CDK14: variants seen among roughly 807,000 people sequenced by gnomAD.
CDK14 encodes cyclin dependent kinase 14, also known as cyclin-dependent kinase 14.
A neutral mutation model predicts 60.7 loss-of-function variants in CDK14; 34 were observed. The observed-to-expected ratio is 0.56, with a 90% CI of 0.43 to 0.75. The LOEUF (loss-of-function observed/expected upper bound fraction) is 0.75. CDK14 is among the 30% of genes least tolerant of loss of function. The pLI is 0.00. For synonymous variants in CDK14, 197 were observed against 203.7 expected (o/e 0.97, Z 0.28); for missense variants, 482 against 564.1 (o/e 0.85, Z 1.47).
In CDK14 at chr7:91,209,574, T is replaced by C. The variant is rs1357661573; in HGVS notation, c.*2438T>C. On this transcript the variant is annotated 3_prime_UTR_variant, in exon 15 of 15. Transcript: ENST00000380050. ...GTGTTGATTAGCAGATTTATTATTC[T>C]ATTGAGAAAGCACTGGAATGTTTTG... 6.6e-6 allele frequency: 1 copy of C among 152,618 alleles called. No individual in the cohort carries two copies. The highest frequency in any genetic ancestry group is 1.5e-5 in the Non-Finnish European group (1 of 68,042). The allele number at this position is 152,618 out of a possible 1,614,324, so 9.5% of individuals were successfully genotyped here. A position where few individuals can be genotyped will look rare whatever the true frequency, so the allele number is the denominator to read the frequency against.
At chr7:90,956,928 T>TA (rs1318567469) in intron 9 of CDK14, among the ~76,000 whole-genome samples, 1 of 151,796 alleles carries the variant, frequency 6.6e-6, no homozygotes, top group Non-Finnish European at 1.5e-5. Context: ...TCCATGTCCC[T>TA]ACAAAGGACA....
At chr7:90,641,050 A>C (rs1377255450) in intron 2 of CDK14, among the ~76,000 whole-genome samples, 1 of 151,610 alleles carries the variant, frequency 6.6e-6, no homozygotes, top group African/African-American at 2.4e-5. Context: ...ACGAGCTACC[A>C]CTTCACAGGG....
intron 2 of CDK14, among the ~76,000 whole-genome samples, chr7:90,683,810 G>T (rs1801373442): frequency 6.6e-6 from 1 of 151,936 alleles, no homozygotes. Flanking sequence ...CCAAAAATCC[G>T]CAAAAGACCA....
At chr7:90,602,993 C>T (rs940228026) in intron 1 of CDK14, among the ~76,000 whole-genome samples, 5 of 152,140 alleles carry the variant, frequency 3.3e-5, no homozygotes, top group African/African-American at 1.2e-4. Flanking sequence ...AGTTTAGGCA[C>T]ATTACTTTTC....
At chr7:91,099,396 A>AATTTTT (rs1799094916) in intron 12 of CDK14, among the ~76,000 whole-genome samples, 2 of 152,298 alleles carry the variant, frequency 1.3e-5, no homozygotes, top group African/African-American at 4.8e-5. Flanking sequence ...TATCATAAAA[A>AATTTTT]ATGAGAGTTG....
intron 2 of CDK14, among the ~76,000 whole-genome samples, chr7:90,674,093 A>G (rs1339244594): frequency 6.6e-6 from 1 of 152,232 alleles, no homozygotes; most frequent in Non-Finnish European, 1.5e-5. Flanking sequence ...GAGATAGTCT[A>G]TTGTTCATAA....
chr7:90,751,061 G>T (rs1019562111), intron 4 of CDK14, among the ~76,000 whole-genome samples: 2 of 151,884 alleles, frequency 1.3e-5, no homozygotes, highest in Admixed American at 6.6e-5. Context: ...CAAATTATTG[G>T]CATTCCTAAG....
chr7:91,082,900 C>G (rs904394137), intron 12 of CDK14, among the ~76,000 whole-genome samples: 3 of 152,166 alleles, frequency 2.0e-5, no homozygotes, highest in Non-Finnish European at 2.9e-5. Flanking sequence ...GAATTCGCAA[C>G]AAACTGAAAG....
intron 10 of CDK14, among the ~76,000 whole-genome samples, chr7:91,026,205 AAG>A (rs773353736): frequency 6.6e-6 from 1 of 152,180 alleles, no homozygotes; most frequent in Non-Finnish European, 1.5e-5. Context: ...AGATCAGAGG[AAG>A]AGTAGAACAG....
At chr7:91,203,353 A>G (rs1453016453) in intron 14 of CDK14, among the ~76,000 whole-genome samples, 1 of 152,190 alleles carries the variant, frequency 6.6e-6, no homozygotes, top group East Asian at 1.9e-4. Context: ...CAACAACTGT[A>G]TATTGAGTGC....
intron 14 of CDK14, among the ~76,000 whole-genome samples, chr7:91,155,145 C>G (rs564836639): frequency 1.3e-5 from 2 of 152,088 alleles, no homozygotes; most frequent in African/African-American, 2.4e-5. Context: ...GGCTTAGGAT[C>G]CTAGACTGCT....
chr7:91,130,849 T>C (rs1048135710), intron 14 of CDK14, among the ~76,000 whole-genome samples: 1 of 152,136 alleles, frequency 6.6e-6, no homozygotes, highest in Admixed American at 6.6e-5. Flanking sequence ...GGCCATATGA[T>C]ACTAAATCAT....
chr7:90,902,272 A>G (rs1792532445), intron 7 of CDK14, among the ~76,000 whole-genome samples: 1 of 152,076 alleles, frequency 6.6e-6, no homozygotes, highest in South Asian at 2.1e-4. Context: ...CCACAAAAGA[A>G]CCCAAATAGC....
chr7:90,629,359 C>T (rs1375513508), intron 2 of CDK14, among the ~76,000 whole-genome samples: 1 of 152,172 alleles, frequency 6.6e-6, no homozygotes, highest in African/African-American at 2.4e-5. Flanking sequence ...TGTTTAATGT[C>T]ACTTTCCCCA....
At chr7:90,929,080 A>G (rs1262590126) in intron 8 of CDK14, among the ~76,000 whole-genome samples, 1 of 152,160 alleles carries the variant, frequency 6.6e-6, no homozygotes, top group Non-Finnish European at 1.5e-5. Flanking sequence ...ACAGCACTGT[A>G]TTAGGGTGGG....
intron 4 of CDK14, among the ~76,000 whole-genome samples, chr7:90,768,083 G>C (rs1406892406): frequency 6.6e-6 from 1 of 152,174 alleles, no homozygotes; most frequent in African/African-American, 2.4e-5. Context: ...GCTAATCACT[G>C]TTGTGATGAT....
chr7:90,893,013 C>T (rs1387325108), intron 6 of CDK14, among the ~76,000 whole-genome samples: 3 of 152,106 alleles, frequency 2.0e-5, no homozygotes, highest in South Asian at 2.1e-4. Flanking sequence ...CTCCTGACCT[C>T]GTGATCTGCC....
At chr7:91,143,605 C>T (rs1189341517) in intron 14 of CDK14, among the ~76,000 whole-genome samples, 1 of 152,068 alleles carries the variant, frequency 6.6e-6, no homozygotes, top group Admixed American at 6.5e-5. Flanking sequence ...CCTGTAGTCC[C>T]AGCTACTTGG....
chr7:91,123,757 T>C, intron 14 of CDK14, among the ~76,000 whole-genome samples: 1 of 152,106 alleles, frequency 6.6e-6, no homozygotes, highest in Non-Finnish European at 1.5e-5. Flanking sequence ...CTCTGATCTG[T>C]ACTGTGCACC....
Sources: allele counts gnomAD v4.1 joint callset (sites outside exome capture counted in the v4.1 genomes callset), GRCh38; gene constraint gnomAD v4.1.1; transcripts MANE v1.5; gene names NCBI Gene and HGNC (gene_info 2026-07-23, HGNC 2026-07-21).